Variants in TENM3 observed in about 807,000 individuals in gnomAD.
TENM3 encodes the protein teneurin transmembrane protein 3, also known as teneurin-3.
Under a neutral mutation model 255.1 loss-of-function variants are expected in TENM3, and 63 were observed. That is an observed-to-expected ratio of 0.25 (90% CI 0.20 to 0.30). The LOEUF is 0.30. TENM3 is among the 10% of genes least tolerant of loss of function. The probability of loss-of-function intolerance (pLI) is 1.00; values close to 1 mark genes in which losing one functional copy is unlikely to be tolerated. For missense variants in TENM3, 2,929 were observed against 3,461.1 expected (o/e 0.85, Z 3.86); for synonymous variants, 1,306 against 1,322.3 (o/e 0.99, Z 0.27).
intron 1 of TENM3, among the ~76,000 whole-genome samples, chr4:182,299,043 T>A (rs1761687446): frequency 7.5e-6 from 1 of 134,136 alleles, no homozygotes; most frequent in African/African-American, 2.8e-5. Context: ...CACTGCAGAT[T>A]GAGAAATGAA....
At chr4:182,353,866 T>C (rs947984889) in intron 3 of TENM3, among the ~76,000 whole-genome samples, 18 of 151,580 alleles carry the variant, frequency 1.2e-4, no homozygotes, top group African/African-American at 4.4e-4. Flanking sequence ...CTCGGGAGGC[T>C]GATGCAGAGA....
chr4:182,144,643 T>G (rs945317661), upstream of TENM3: 1 of 142,088 alleles, frequency 7.0e-6, no homozygotes, highest in South Asian at 2.3e-4. Context: ...GGGGCCCCCC[T>G]CCCCCGCGCC....
intron 5 of TENM3, among the ~76,000 whole-genome samples, chr4:182,634,272 G>A (rs1055304648): frequency 2.6e-5 from 4 of 152,060 alleles, no homozygotes; most frequent in Non-Finnish European, 5.9e-5. Context: ...AGCGACATGG[G>A]GCTAGGAACT....
At chr4:182,687,123 C>G (rs923358150) in intron 11 of TENM3, among the ~76,000 whole-genome samples, 1 of 152,056 alleles carries the variant, frequency 6.6e-6, no homozygotes, top group Non-Finnish European at 1.5e-5. Context: ...TAAACAGCTA[C>G]TATTTTTTAA....
At chr4:182,222,352 T>C (rs1755895420) in intron 1 of TENM3, among the ~76,000 whole-genome samples, 1 of 152,238 alleles carries the variant, frequency 6.6e-6, no homozygotes, top group East Asian at 1.9e-4. Flanking sequence ...ACATATGCTA[T>C]CAACAAATCT....
chr4:181,540,812 C>T, the TENM3 span, among the ~76,000 whole-genome samples: 1 of 150,804 alleles, frequency 6.6e-6, no homozygotes, highest in Non-Finnish European at 1.5e-5. Context: ...ATGTGGTACC[C>T]ATCATGGGAT....
chr4:182,014,802 C>T, the TENM3 span, among the ~76,000 whole-genome samples: 1 of 152,048 alleles, frequency 6.6e-6, no homozygotes, highest in Non-Finnish European at 1.5e-5. Flanking sequence ...GCTCTGAGCA[C>T]AGGAGAGCAT....
rs1766844746 is a variant in TENM3 at position 182,800,269 on chromosome 4, T to G, written c.8018T>G (p.Leu2673Arg). ...CAGGGCTACGACGGGTACTACGTAC[T>G]CTCGGTGGAGCAGTACCCCGAGCTG... The part of the protein sequence containing the change: ...KVQGYDGYYV[L>R]SVEQYPELAD... Residue 2673 changes from leucine (L) to arginine (R), a missense_variant, in exon 28 of 28, where the codon CTC (leucine) becomes CGC (arginine). By Grantham distance (102) the Leu-to-Arg change is moderately radical. This residue lies in a region of TENM3 where 476 missense variants were observed against 480.1 expected (regional missense o/e 0.99). Coordinates refer to ENST00000511685, the MANE Select transcript of TENM3 (RefSeq NM_001080477.4). 6.3e-7 allele frequency: 1 copy of G among 1,593,896 alleles called. No individual in the cohort carries two copies. The highest frequency in any genetic ancestry group is 1.1e-5 in the South Asian group (1 of 90,074).
chr4:182,048,853 T>C, the TENM3 span, among the ~76,000 whole-genome samples: 150,407 of 152,240 alleles, frequency 0.99, 74,338 homozygotes, highest in South Asian at 1. Context: ...CTATTATTCC[T>C]GAACACTTAA....
At chr4:181,785,367 G>A in the TENM3 span, among the ~76,000 whole-genome samples, 2 of 152,126 alleles carry the variant, frequency 1.3e-5, no homozygotes, top group African/African-American at 4.8e-5. Flanking sequence ...GAAAGCCACA[G>A]CTACTTTCAG....
intron 3 of TENM3, among the ~76,000 whole-genome samples, chr4:182,362,721 C>T (rs955168425): frequency 8.6e-5 from 13 of 151,266 alleles, no homozygotes; most frequent in South Asian, 2.1e-4. Flanking sequence ...ACACGGTGCA[C>T]GCACCCACTG....
At chr4:182,007,611 G>T in the TENM3 span, among the ~76,000 whole-genome samples, 1 of 152,072 alleles carries the variant, frequency 6.6e-6, no homozygotes, top group African/African-American at 2.4e-5. Context: ...TTGAGCCTAT[G>T]TGTGTCTTTG....
chr4:182,749,754 A>G (rs1004314753), intron 19 of TENM3, among the ~76,000 whole-genome samples: 1 of 152,194 alleles, frequency 6.6e-6, no homozygotes, highest in Non-Finnish European at 1.5e-5. Flanking sequence ...AAGATGTACA[A>G]CTGAGAAGAA....
intron 3 of TENM3, among the ~76,000 whole-genome samples, chr4:182,592,199 A>T (rs1214735081): frequency 6.6e-6 from 1 of 151,356 alleles, no homozygotes; most frequent in Non-Finnish European, 1.5e-5. Flanking sequence ...CACCTTTCTA[A>T]TAGCTCCTGA....
the TENM3 span, among the ~76,000 whole-genome samples, chr4:181,499,049 A>G: frequency 3.9e-5 from 6 of 152,284 alleles, no homozygotes; most frequent in East Asian, 9.7e-4. Context: ...GTTTAACCGA[A>G]TTCAGTTTTT....
the TENM3 span, among the ~76,000 whole-genome samples, chr4:181,478,872 T>C: frequency 1.3e-5 from 2 of 152,198 alleles, no homozygotes; most frequent in Non-Finnish European, 2.9e-5. Context: ...AAACTGTTAA[T>C]GCTTCCCTGA....
chr4:181,597,601 C>T, the TENM3 span, among the ~76,000 whole-genome samples: 7 of 151,616 alleles, frequency 4.6e-5, no homozygotes, highest in African/African-American at 1.7e-4. Flanking sequence ...CAGAATGTCA[C>T]GTATTGCCTA....
In TENM3 at chr4:182,611,987, G is replaced by A. The variant is rs1308749369; in HGVS notation, c.749+10826G>A. On this transcript the variant is annotated intron_variant, in intron 4 of 27. Transcript: ENST00000511685. ...TTATGTGGTTAAAAAAGATTTTCAGGCCAGGTGTGGTGGCTCATGCCTGAA... is the reference window on the plus strand; with the variant it reads ...TTATGTGGTTAAAAAAGATTTTCAGACCAGGTGTGGTGGCTCATGCCTGAA... Among the ~76,000 whole-genome samples the A allele has an allele frequency of 5.9e-5, 9 of 152,108 alleles. No individual in the cohort carries two copies. In the South Asian group the frequency reaches 1.9e-3, roughly 32 times the overall value.
the TENM3 span, among the ~76,000 whole-genome samples, chr4:181,656,245 C>T: frequency 6.6e-6 from 1 of 152,066 alleles, no homozygotes; most frequent in South Asian, 2.1e-4. Context: ...AAGCTAAGAC[C>T]CCACAATGTA....
Sources: allele counts gnomAD v4.1 joint callset (sites outside exome capture counted in the v4.1 genomes callset), GRCh38; gene constraint gnomAD v4.1.1; regional missense constraint gnomAD v4.1.1; transcripts MANE v1.5; gene names NCBI Gene and HGNC (gene_info 2026-07-23, HGNC 2026-07-21).